The following HIP1 variants were observed in gnomAD, a reference collection of about 807,000 sequenced individuals.
HIP1 encodes huntingtin-interacting protein 1.
In HIP1, 65 loss-of-function variants were observed where a neutral mutation model predicts 147.6. The observed-to-expected ratio is 0.44, with a 90% CI of 0.36 to 0.54. The LOEUF (loss-of-function observed/expected upper bound fraction) is 0.54, where lower values mean the gene tolerates loss of function less well. HIP1 is among the 20% of genes least tolerant of loss of function. The pLI is 0.00. For missense variants in HIP1, 1,061 were observed against 1,299.6 expected (o/e 0.82, Z 2.82); for synonymous variants, 479 against 504.0 (o/e 0.95, Z 0.67).
At chr7:75,730,734 A>ATT (rs782732504) in intron 1 of HIP1, among the ~76,000 whole-genome samples, 4 of 138,994 alleles carry the variant, frequency 2.9e-5, no homozygotes, top group African/African-American at 5.3e-5. Context: ...GTGGGCAGTA[A>ATT]TTTTTTTTTT....
intron 1 of HIP1, among the ~76,000 whole-genome samples, chr7:75,609,284 G>A (rs1486669720): frequency 6.6e-6 from 1 of 152,150 alleles, no homozygotes; most frequent in African/African-American, 2.4e-5. Flanking sequence ...CTATGGTTTG[G>A]GGCCCATTGC....
intron 8 of HIP1, among the ~76,000 whole-genome samples, chr7:75,572,440 C>T (rs1169052733): frequency 6.6e-6 from 1 of 152,134 alleles, no homozygotes; most frequent in East Asian, 1.9e-4. Context: ...TATGTTAGCT[C>T]ATGTAGGTCT....
intron 7 of HIP1, among the ~76,000 whole-genome samples, chr7:75,577,285 T>A (rs1456036200): frequency 1.4e-5 from 2 of 145,406 alleles, no homozygotes; most frequent in Non-Finnish European, 3.0e-5. Context: ...TGAGCTATGA[T>A]TGTGCCACAG....
At position 75,536,270 on chromosome 7, in the gene HIP1, G is replaced by C. The variant is rs1233491667; in HGVS notation, c.*1902C>G. The C allele has an allele frequency of 4.9e-6, 1 of 205,670 alleles. No homozygotes were observed. Among genetic ancestry groups the C allele is most frequent in the Non-Finnish European group, 9.8e-6 (1 of 102,174 alleles). The allele number at this position is 205,670 out of a possible 1,614,324, so 12.7% of individuals were successfully genotyped here. On this transcript the variant is annotated 3_prime_UTR_variant, in exon 31 of 31. Coordinates refer to ENST00000336926, the MANE Select transcript of HIP1 (RefSeq NM_005338.7). ...AGCCCAGTATGGAGGTCACACGTCT[G>C]AGTATGGTCATCCGAGGTCCTGGGA... is the stretch of plus-strand genomic sequence containing the variant.
Position 75,556,686 on chromosome 7 carries a change from CAA to C in HIP1, c.1683+22_1683+23del, listed in dbSNP as rs781922095. The C allele has an allele frequency of 8.3e-4, 907 of 1,090,504 alleles. 4 individuals are homozygous for C. The highest frequency in any genetic ancestry group is 1.1e-3 in the South Asian group (76 of 67,902). The allele number at this position is 1,090,504 out of a possible 1,614,324, so 67.6% of individuals were successfully genotyped here. On this transcript the variant is annotated intron_variant, in intron 17 of 30. Coordinates refer to ENST00000336926, the MANE Select transcript of HIP1 (RefSeq NM_005338.7). The stretch of plus-strand genomic sequence containing the variant: ...GAGTGACAGAAGAAGACTCTATCTC[CAA>C]AAAAAAAAAGGAGGTATTTACCTGG...
chr7:75,672,745 T>G (rs1356113773), intron 1 of HIP1, among the ~76,000 whole-genome samples: 2 of 152,218 alleles, frequency 1.3e-5, no homozygotes, highest in African/African-American at 4.8e-5. Flanking sequence ...AAGCCATTGC[T>G]TAATCCAAGC....
At chr7:75,613,436 C>A (rs587618052) in intron 1 of HIP1, among the ~76,000 whole-genome samples, 2 of 152,220 alleles carry the variant, frequency 1.3e-5, no homozygotes, top group African/African-American at 4.8e-5. Context: ...TAATAATAAT[C>A]ATCATAGAGC....
intron 16 of HIP1, 104 bp from the exon 17 acceptor site, chr7:75,556,915 T>C (rs1795026871): frequency 2.7e-6 from 2 of 730,958 alleles, no homozygotes; most frequent in Non-Finnish European, 2.4e-6. Flanking sequence ...CTGTAAACTC[T>C]ACTGTATGTA....
intron 1 of HIP1, among the ~76,000 whole-genome samples, chr7:75,627,871 G>A (rs1798097216): frequency 6.6e-6 from 1 of 152,158 alleles, no homozygotes; most frequent in African/African-American, 2.4e-5. Flanking sequence ...ACAGGGAAAG[G>A]GCCCTGAGGT....
In HIP1 at chr7:75,685,090, CA is replaced by C. The variant is rs1206648755; in HGVS notation, c.120+53710del. Among the ~76,000 whole-genome samples the C allele has an allele frequency of 2.0e-5, 3 of 150,110 alleles. No homozygotes were observed. In the East Asian group the frequency reaches 5.8e-4, roughly 29 times the overall value. Reference sequence around the variant, plus strand: ...TGGGTGACAGAGCGAGACTCCGTCTCAAAAAAAATAAATAAATAAAAATAAA... The same window carrying C: ...TGGGTGACAGAGCGAGACTCCGTCTCAAAAAAATAAATAAATAAAAATAAA... On this transcript the variant is annotated intron_variant, in intron 1 of 30. Transcript: ENST00000336926.
At chr7:75,583,395 G>A (rs138277406) in intron 5 of HIP1, among the ~76,000 whole-genome samples, 26 of 152,232 alleles carry the variant, frequency 1.7e-4, no homozygotes, top group African/African-American at 6.0e-4. Context: ...CTGAACGTCC[G>A]TCTCAGTCAG....
Position 75,557,623 on chromosome 7 carries a change from T to TC in HIP1, c.1581+30dup, listed in dbSNP as rs781872848. On this transcript the variant is annotated intron_variant, in intron 16 of 30. Transcript: ENST00000336926. ...GCCACCAACTCAACAGCCCCCTCCC[T>TC]CATTTCCCGAGTGCTCCTCGTCCCA... The TC allele has an allele frequency of 1.2e-5, 17 of 1,477,696 alleles. No homozygotes were observed. The Admixed American group carries it at 2.8e-4, about 25-fold the overall frequency. The allele number at this position is 1,477,696 out of a possible 1,614,324, so 91.5% of individuals were successfully genotyped here. A position where few individuals can be genotyped will look rare whatever the true frequency, so the allele number is the denominator to read the frequency against.
chr7:75,646,856 A>G (rs568957331), intron 1 of HIP1, among the ~76,000 whole-genome samples: 3 of 152,292 alleles, frequency 2.0e-5, no homozygotes, highest in Non-Finnish European at 4.4e-5. Flanking sequence ...AGTGCCACTT[A>G]GAGCCAGGAA....
intron 1 of HIP1, among the ~76,000 whole-genome samples, chr7:75,692,359 A>C (rs1800487420): frequency 6.6e-6 from 1 of 151,556 alleles, no homozygotes; most frequent in African/African-American, 2.4e-5. Context: ...CCTGGGCTCA[A>C]GCAATCCTCC....
chr7:75,703,208 C>T (rs1199504608), intron 1 of HIP1, among the ~76,000 whole-genome samples: 1 of 152,016 alleles, frequency 6.6e-6, no homozygotes, highest in African/African-American at 2.4e-5. Flanking sequence ...ATTAGCCAGA[C>T]ATGGTGGTGC....
chr7:75,567,110 TCAAAAA>T (rs1403061141), intron 9 of HIP1, among the ~76,000 whole-genome samples: 1 of 149,628 alleles, frequency 6.7e-6, no homozygotes, highest in Middle Eastern at 3.5e-3. Flanking sequence ...AGACTCTGTC[TCAAAAA>T]CAAAAACAAA....
intron 5 of HIP1, among the ~76,000 whole-genome samples, chr7:75,585,801 C>T (rs773872612): frequency 1.3e-4 from 20 of 151,980 alleles, no homozygotes; most frequent in Non-Finnish European, 2.2e-4. Context: ...TCACACTATC[C>T]ATTGTGTCAC....
intron 1 of HIP1, chr7:75,625,560 T>C (rs1299968006): frequency 6.6e-6 from 1 of 152,214 alleles, no homozygotes. Context: ...GATGACAGCA[T>C]GACTGAGCCA....
chr7:75,655,376 C>T (rs1799114039), intron 1 of HIP1, among the ~76,000 whole-genome samples: 1 of 151,654 alleles, frequency 6.6e-6, no homozygotes, highest in East Asian at 2.0e-4. Context: ...GTCAGGAGTT[C>T]GAGTCCAGCC....
Sources: allele counts gnomAD v4.1 joint callset (sites outside exome capture counted in the v4.1 genomes callset), GRCh38; gene constraint gnomAD v4.1.1; transcripts MANE v1.5; gene names NCBI Gene and HGNC (gene_info 2026-07-23, HGNC 2026-07-21).